Variants in MAPK6 observed in about 807,000 individuals in gnomAD.
The protein encoded by MAPK6 is mitogen-activated protein kinase 6.
A neutral mutation model predicts 59.3 loss-of-function variants in MAPK6; 19 were observed. The ratio of observed to expected loss-of-function variants is 0.32; its 90% confidence interval spans 0.22 to 0.47. MAPK6 has a LOEUF of 0.47. MAPK6 is among the 20% of genes least tolerant of loss of function. MAPK6 has a pLI of 1.00. For synonymous variants in MAPK6, 316 were observed against 290.3 expected, an observed-to-expected ratio of 1.09 and a Z score of -0.90; for missense variants, 724 against 847.9, an observed-to-expected ratio of 0.85 and a Z score of 1.81.
At chr15:52,000,950 C>G (rs936754622) in intron 2 of MAPK6, among the ~76,000 whole-genome samples, 1 of 152,086 alleles carries the variant, frequency 6.6e-6, no homozygotes, top group Non-Finnish European at 1.5e-5. Context: ...CCCTCACCCC[C>G]CTACCACCCT....
chr15:52,060,754 A>G, intron 4 of MAPK6, among the ~76,000 whole-genome samples: 1 of 152,218 alleles, frequency 6.6e-6, no homozygotes, highest in Middle Eastern at 3.2e-3. Flanking sequence ...TGTGATGTGA[A>G]GCAGAGATCA....
At chr15:52,045,060 AAATG>A (rs1335888778) in intron 1 of MAPK6, among the ~76,000 whole-genome samples, 2 of 152,182 alleles carry the variant, frequency 1.3e-5, no homozygotes, top group African/African-American at 4.8e-5. Flanking sequence ...TACCAAAAAA[AAATG>A]AGCATTTCTC....
intron 3 of MAPK6, among the ~76,000 whole-genome samples, chr15:52,006,343 G>T (rs2057258638): frequency 6.6e-6 from 1 of 152,076 alleles, no homozygotes; most frequent in Non-Finnish European, 1.5e-5. Context: ...AGATATACCA[G>T]GTCATAGAAA....
At chr15:51,975,472 C>T (rs1196589865) in intron 1 of MAPK6, among the ~76,000 whole-genome samples, 4 of 151,150 alleles carry the variant, frequency 2.6e-5, no homozygotes, top group Non-Finnish European at 4.4e-5. Context: ...ATCCGGGAGG[C>T]GGAGGTTGCA....
At chr15:51,974,590 C>T (rs2057151729) in intron 1 of MAPK6, among the ~76,000 whole-genome samples, 1 of 129,154 alleles carries the variant, frequency 7.7e-6, no homozygotes, top group African/African-American at 2.9e-5. Context: ...ACCCAGGAGG[C>T]GGAGCTTGCA....
intron 1 of MAPK6, among the ~76,000 whole-genome samples, chr15:52,033,053 C>A (rs912290582): frequency 2.4e-4 from 37 of 152,116 alleles, no homozygotes; most frequent in African/African-American, 8.9e-4. Context: ...AGTGATTATC[C>A]CACCTCACTT....
Position 52,064,435 on chromosome 15 carries a change from C to T in MAPK6, c.1601C>T (p.Thr534Ile), listed in dbSNP as rs779300139. Reference protein sequence around the residue: ...GFDFDSFIAGTIQLSSQHEPT... With the variant: ...GFDFDSFIAGIIQLSSQHEPT... ...GATTTTGATTCCTTTATTGCAGGAA[C>T]TATTCAGCTTAGTTCCCAGCATGAG... The change falls in exon 6 of 6, where the codon ACT becomes ATT. Residue 534 changes from threonine (T) to isoleucine (I), a missense_variant. Coordinates refer to ENST00000261845, the MANE Select transcript of MAPK6 (RefSeq NM_002748.4). 1.9e-6 allele frequency: 3 copies of T among 1,611,606 alleles called. No individual in the cohort carries two copies. The highest frequency in any genetic ancestry group is 2.5e-6 in the Non-Finnish European group (3 of 1,179,752).
At chr15:51,979,033 G>C (rs1261710916) in intron 1 of MAPK6, among the ~76,000 whole-genome samples, 4 of 150,472 alleles carry the variant, frequency 2.7e-5, no homozygotes, top group Admixed American at 2.7e-4. Context: ...ATCATTTGAG[G>C]CTGGGAAGTC....
intron 1 of MAPK6, among the ~76,000 whole-genome samples, chr15:52,036,254 G>C (rs2031239580): frequency 6.6e-6 from 1 of 152,204 alleles, no homozygotes; most frequent in African/African-American, 2.4e-5. Flanking sequence ...TGACTACACA[G>C]CTGATGTAGC....
rs966440932 is a variant in MAPK6, at chr15:52,019,325, A to T, written c.-683A>T. ...AGCACAGCCGGAGACCTGAGCCGAC[A>T]CTGGGGGCAGTCCGCGAGCCCCGCA... is the stretch of plus-strand genomic sequence containing the variant. On this transcript the variant is annotated 5_prime_UTR_variant, in exon 1 of 6. Coordinates refer to ENST00000261845, the MANE Select transcript of MAPK6 (RefSeq NM_002748.4). The T allele has an allele frequency of 1.3e-5, 2 of 152,256 alleles. No homozygotes were observed. The highest frequency in any genetic ancestry group is 4.8e-5 in the African/African-American group (2 of 41,328). The allele number at this position is 152,256 out of a possible 1,614,324, so 9.4% of individuals were successfully genotyped here.
intron 3 of MAPK6, among the ~76,000 whole-genome samples, chr15:52,012,416 TTTG>T (rs1373237256): frequency 6.6e-6 from 1 of 152,166 alleles, no homozygotes; most frequent in Non-Finnish European, 1.5e-5. Flanking sequence ...ATTCACACAT[TTTG>T]TTCTATTTTG....
At position 52,064,293 on chromosome 15, in the gene MAPK6, T is replaced by G; in HGVS notation, c.1459T>G (p.Ser487Ala). The change falls in exon 6 of 6, where the codon TCT becomes GCT. Residue 487 changes from serine (S) to alanine (A), a missense_variant. Ser to Ala is a moderately conservative substitution (Grantham distance 99, BLOSUM62 1). This residue lies in a region of MAPK6 where 502 missense variants were observed against 507.6 expected (regional missense o/e 0.99). Transcript: ENST00000261845. The stretch of plus-strand genomic sequence containing the variant: ...TTGGAAAGAACAAAGCAAAGAAAAA[T>G]CTGATAAGAAAGGCAAATCAAAATG... ...SNWKEQSKEK[S>A]DKKGKSKCER... 1 of 1,609,826 alleles carries G rather than the reference T, an allele frequency of 6.2e-7. No individual in the cohort carries two copies. Among genetic ancestry groups the G allele is most frequent in the Non-Finnish European group, 8.5e-7 (1 of 1,178,968 alleles).
At chr15:51,989,521 A>G (rs957528339) in intron 2 of MAPK6, among the ~76,000 whole-genome samples, 1 of 152,162 alleles carries the variant, frequency 6.6e-6, no homozygotes, top group Non-Finnish European at 1.5e-5. Context: ...GAGCTTCTTC[A>G]TGGTCCCCAA....
intron 2 of MAPK6, among the ~76,000 whole-genome samples, chr15:51,989,895 C>T (rs2141815404): frequency 1.3e-5 from 2 of 152,352 alleles, no homozygotes; most frequent in South Asian, 4.1e-4. Context: ...TGAGCCATCA[C>T]ACCCAGTTTA....
At chr15:52,039,847 C>T (rs530706957) in intron 1 of MAPK6, among the ~76,000 whole-genome samples, 32 of 152,166 alleles carry the variant, frequency 2.1e-4, no homozygotes, top group South Asian at 1.7e-3. Context: ...TACTTTGTTA[C>T]TGTCTTCTCT....
At chr15:52,028,940 T>C (rs2030919393) in intron 1 of MAPK6, among the ~76,000 whole-genome samples, 1 of 152,246 alleles carries the variant, frequency 6.6e-6, no homozygotes, top group East Asian at 1.9e-4. Context: ...TGTAGGAGCA[T>C]TCAATATAGT....
At chr15:51,972,277 G>C (rs2057133319) in intron 1 of MAPK6, among the ~76,000 whole-genome samples, 1 of 151,984 alleles carries the variant, frequency 6.6e-6, no homozygotes, top group South Asian at 2.1e-4. Flanking sequence ...TAGCTGGGAC[G>C]ACAGGCGCCC....
intron 1 of MAPK6, among the ~76,000 whole-genome samples, chr15:51,981,717 G>A (rs765173900): frequency 1.2e-4 from 19 of 152,154 alleles, no homozygotes; most frequent in Non-Finnish European, 2.8e-4. Context: ...CAGCAGGCAG[G>A]ATGAGGTCAG....
chr15:52,056,444 G>A (rs376679740), intron 3 of MAPK6, among the ~76,000 whole-genome samples: 13 of 151,926 alleles, frequency 8.6e-5, no homozygotes, highest in African/African-American at 2.7e-4. Flanking sequence ...CAAAAGATGC[G>A]TGCATCCTTG....
Sources: allele counts gnomAD v4.1 joint callset (sites outside exome capture counted in the v4.1 genomes callset), GRCh38; gene constraint gnomAD v4.1.1; regional missense constraint gnomAD v4.1.1; transcripts MANE v1.5; gene names NCBI Gene and HGNC (gene_info 2026-07-23, HGNC 2026-07-21).